C1orf21: variants seen among roughly 807,000 people sequenced by gnomAD.
C1orf21 encodes uncharacterized protein C1orf21.
C1orf21 carries 3 observed loss-of-function variants against 18.7 expected under a neutral mutation model. That is an observed-to-expected ratio of 0.16 (90% CI 0.07 to 0.42). The LOEUF (loss-of-function observed/expected upper bound fraction) is 0.42. Ranked by LOEUF, C1orf21 falls within the 10% of genes least tolerant of loss-of-function variation. C1orf21 has a pLI of 0.99. For missense variants in C1orf21, 104 were observed against 143.6 expected, an observed-to-expected ratio of 0.72 and a Z score of 1.41; for synonymous variants, 41 against 46.4, an observed-to-expected ratio of 0.88 and a Z score of 0.47.
intron 1 of C1orf21, among the ~76,000 whole-genome samples, chr1:184,467,385 T>C (rs1657415087): frequency 6.6e-6 from 1 of 152,200 alleles, no homozygotes; most frequent in Admixed American, 6.5e-5. Flanking sequence ...GAGGCTATGA[T>C]GAAGCAGGAG....
intron 2 of C1orf21, among the ~76,000 whole-genome samples, chr1:184,506,331 A>G: frequency 6.6e-6 from 1 of 152,208 alleles, no homozygotes; most frequent in Middle Eastern, 3.2e-3. Flanking sequence ...CAGAAATATT[A>G]CTGTAACGAA....
intron 1 of C1orf21, among the ~76,000 whole-genome samples, chr1:184,456,636 A>G (rs1192369180): frequency 6.6e-6 from 1 of 152,150 alleles, no homozygotes; most frequent in African/African-American, 2.4e-5. Context: ...TTATGATAGC[A>G]CAGGTGCCAG....
chr1:184,421,757 A>T (rs538813840), intron 1 of C1orf21, among the ~76,000 whole-genome samples: 1 of 152,294 alleles, frequency 6.6e-6, no homozygotes, highest in South Asian at 2.1e-4. Context: ...CAAGATGATG[A>T]GTTAGGATGA....
intron 1 of C1orf21, among the ~76,000 whole-genome samples, chr1:184,458,745 C>A (rs1284370786): frequency 6.6e-6 from 1 of 152,062 alleles, no homozygotes; most frequent in Non-Finnish European, 1.5e-5. Context: ...CATAAAAAAT[C>A]TTTAAAAAAG....
chr1:184,524,026 A>G (rs1571398297), intron 3 of C1orf21, among the ~76,000 whole-genome samples: 1 of 152,142 alleles, frequency 6.6e-6, no homozygotes, highest in Non-Finnish European at 1.5e-5. Flanking sequence ...TTTTACCACT[A>G]CAGGTAATTT....
chr1:184,502,698 A>G (rs1354175645), intron 2 of C1orf21, among the ~76,000 whole-genome samples: 2 of 152,206 alleles, frequency 1.3e-5, no homozygotes, highest in Non-Finnish European at 2.9e-5. Flanking sequence ...TACAGTGGTC[A>G]GACACCTTTC....
chr1:184,563,880 G>A (rs1241995313), intron 3 of C1orf21, among the ~76,000 whole-genome samples: 1 of 152,182 alleles, frequency 6.6e-6, no homozygotes, highest in Non-Finnish European at 1.5e-5. Context: ...TGAATTTTAG[G>A]AACACAGTCT....
intron 1 of C1orf21, among the ~76,000 whole-genome samples, chr1:184,410,658 TATA>T (rs1188281926): frequency 0.015 from 118 of 7,736 alleles, no homozygotes; most frequent in Non-Finnish European, 0.019. Flanking sequence ...TATATATATA[TATA>T]TATTTTTTTT....
At chr1:184,610,508 G>T (rs1659713818) in intron 5 of C1orf21, among the ~76,000 whole-genome samples, 1 of 152,140 alleles carries the variant, frequency 6.6e-6, no homozygotes, top group Non-Finnish European at 1.5e-5. Flanking sequence ...CATCATTGAA[G>T]TCATCCAAGT....
At chr1:184,572,821 A>G (rs926616901) in intron 3 of C1orf21, among the ~76,000 whole-genome samples, 3 of 152,044 alleles carry the variant, frequency 2.0e-5, no homozygotes, top group African/African-American at 7.3e-5. Flanking sequence ...GCATGGTGGC[A>G]TGCACCTGTA....
intron 2 of C1orf21, among the ~76,000 whole-genome samples, chr1:184,483,288 T>C (rs1657683233): frequency 6.6e-6 from 1 of 152,210 alleles, no homozygotes; most frequent in Non-Finnish European, 1.5e-5. Context: ...GTTCAAGTTA[T>C]CATGAACTGG....
chr1:184,534,872 C>T (rs553983334), intron 3 of C1orf21, among the ~76,000 whole-genome samples: 3 of 151,920 alleles, frequency 2.0e-5, no homozygotes, highest in South Asian at 4.2e-4. Context: ...GAGATTGGGG[C>T]GGGTGACAGC....
At chr1:184,453,083 G>A (rs1571365158) in intron 1 of C1orf21, among the ~76,000 whole-genome samples, 1 of 152,064 alleles carries the variant, frequency 6.6e-6, no homozygotes, top group Admixed American at 6.6e-5. Flanking sequence ...GAAGACCTTC[G>A]AGCTGGGAAG....
intron 2 of C1orf21, among the ~76,000 whole-genome samples, chr1:184,503,997 T>C (rs1028338078): frequency 4.6e-5 from 7 of 152,158 alleles, no homozygotes; most frequent in Admixed American, 2.0e-4. Context: ...TTTTCTAAAA[T>C]GATGAAAATT....
At chr1:184,447,575 A>G (rs1011158263) in intron 1 of C1orf21, among the ~76,000 whole-genome samples, 2 of 152,168 alleles carry the variant, frequency 1.3e-5, no homozygotes, top group Non-Finnish European at 2.9e-5. Context: ...CTTCATGTCA[A>G]ATGTCTCTGA....
chr1:184,398,571 T>C (rs1312473182), intron 1 of C1orf21, among the ~76,000 whole-genome samples: 1 of 152,222 alleles, frequency 6.6e-6, no homozygotes, highest in Non-Finnish European at 1.5e-5. Context: ...TTCTAAGAAA[T>C]GTGTCTTTAG....
At chr1:184,410,006 G>A (rs193016564) in intron 1 of C1orf21, among the ~76,000 whole-genome samples, 1 of 152,314 alleles carries the variant, frequency 6.6e-6, no homozygotes, top group East Asian at 1.9e-4. Context: ...AGAAAGTCCA[G>A]TAGGAAATGT....
intron 1 of C1orf21, among the ~76,000 whole-genome samples, chr1:184,421,063 T>A (rs182921510): frequency 5.9e-4 from 90 of 152,286 alleles, no homozygotes; most frequent in Non-Finnish European, 4.4e-5. Context: ...AGTTTCACCA[T>A]TGTTTTGGTG....
At chr1:184,613,939 G>C (rs1457913444) in intron 5 of C1orf21, among the ~76,000 whole-genome samples, 1 of 152,070 alleles carries the variant, frequency 6.6e-6, no homozygotes, top group Non-Finnish European at 1.5e-5. Context: ...CCTGGGAGGT[G>C]GAGGTTGCAG....
Sources: allele counts gnomAD v4.1 joint callset (sites outside exome capture counted in the v4.1 genomes callset), GRCh38; gene constraint gnomAD v4.1.1; transcripts MANE v1.5; gene names NCBI Gene and HGNC (gene_info 2026-07-23, HGNC 2026-07-21).